The following TCF12 variants were observed in gnomAD, a reference collection of about 807,000 sequenced individuals.
TCF12 encodes transcription factor 12.
Under a neutral mutation model 86.0 loss-of-function variants are expected in TCF12, and 45 were observed. That is an observed-to-expected ratio of 0.52 (90% CI 0.41 to 0.67). The LOEUF is 0.67. TCF12 is among the 30% of genes least tolerant of loss of function. The pLI is 0.00. For missense variants in TCF12, 881 were observed against 859.9 expected, an observed-to-expected ratio of 1.02 and a Z score of -0.31; for synonymous variants, 330 against 299.6, an observed-to-expected ratio of 1.10 and a Z score of -1.05.
At chr15:57,081,177 A>G (rs1224003531) in intron 4 of TCF12, among the ~76,000 whole-genome samples, 5 of 152,156 alleles carry the variant, frequency 3.3e-5, no homozygotes, top group African/African-American at 1.2e-4. Flanking sequence ...TCCTACTTTC[A>G]TTCCTTTATT....
At chr15:56,981,658 A>G (rs1270730813) in intron 3 of TCF12, among the ~76,000 whole-genome samples, 1 of 152,190 alleles carries the variant, frequency 6.6e-6, no homozygotes, top group Non-Finnish European at 1.5e-5. Flanking sequence ...ATCTCTGTAT[A>G]TAACTTTTGA....
intron 8 of TCF12, among the ~76,000 whole-genome samples, chr15:57,201,583 T>C (rs1203960641): frequency 3.3e-5 from 5 of 152,004 alleles, no homozygotes; most frequent in Admixed American, 2.0e-4. Context: ...CAGAGGTAGA[T>C]TGAGTGGGGG....
intron 3 of TCF12, among the ~76,000 whole-genome samples, chr15:56,967,356 G>T (rs1292791541): frequency 1.3e-5 from 2 of 151,988 alleles, no homozygotes; most frequent in African/African-American, 4.8e-5. Context: ...ATAGAGACTG[G>T]ATTCGCCAAT....
chr15:56,963,298 A>G (rs533190326), intron 3 of TCF12, among the ~76,000 whole-genome samples: 31 of 152,290 alleles, frequency 2.0e-4, no homozygotes, highest in African/African-American at 7.0e-4. Flanking sequence ...AGTATTTTAC[A>G]TCTGGAAACA....
At chr15:57,188,807 G>T (rs1177311466) in intron 6 of TCF12, among the ~76,000 whole-genome samples, 1 of 152,146 alleles carries the variant, frequency 6.6e-6, no homozygotes, top group East Asian at 1.9e-4. Flanking sequence ...TCATTATTTT[G>T]AGACAGGGTC....
intron 4 of TCF12, among the ~76,000 whole-genome samples, chr15:57,075,804 T>TTCTTTCTTTC (rs1461514777): frequency 2.1e-4 from 6 of 28,588 alleles, no homozygotes; most frequent in South Asian, 2.0e-3. Flanking sequence ...CTTTCTTTCT[T>TTCTTTCTTTC]TCTCTCTCTC....
intron 5 of TCF12, among the ~76,000 whole-genome samples, chr15:57,142,796 T>C (rs2053074329): frequency 6.6e-6 from 1 of 152,012 alleles, no homozygotes; most frequent in Admixed American, 6.6e-5. Context: ...CCTAACAGAG[T>C]GCATTGAGAA....
intron 5 of TCF12, among the ~76,000 whole-genome samples, chr15:57,165,513 G>T (rs2151537170): frequency 6.6e-6 from 1 of 151,850 alleles, no homozygotes; most frequent in Non-Finnish European, 1.5e-5. Context: ...CAGAGGTGTG[G>T]TTTGAGCTAT....
upstream of TCF12, chr15:56,918,507 C>A (rs956051241): frequency 1.4e-4 from 44 of 316,242 alleles, no homozygotes; most frequent in Non-Finnish European, 2.2e-4. Context: ...TTTGTCCACC[C>A]GCCGCGGTGC....
chr15:57,247,660 A>G (rs1170606200), intron 13 of TCF12: 44 of 768,504 alleles, frequency 5.7e-5, no homozygotes, highest in Non-Finnish European at 8.9e-5. Flanking sequence ...TAATACCACC[A>G]ACAAAAATTT....
chr15:57,166,538 A>G, intron 6 of TCF12, 72 bp downstream of exon 6: 3 of 1,305,548 alleles, frequency 2.3e-6, no homozygotes, highest in South Asian at 2.8e-5. Flanking sequence ...TTAATAGATG[A>G]GATAGAAATT....
intron 5 of TCF12, among the ~76,000 whole-genome samples, chr15:57,106,665 G>A (rs1467365075): frequency 6.6e-6 from 1 of 152,154 alleles, no homozygotes; most frequent in Non-Finnish European, 1.5e-5. Flanking sequence ...ATTTGGAAAA[G>A]ACATGTCTCA....
At chr15:57,166,879 A>G (rs1189532220) in intron 6 of TCF12, among the ~76,000 whole-genome samples, 1 of 152,158 alleles carries the variant, frequency 6.6e-6, no homozygotes, top group African/African-American at 2.4e-5. Flanking sequence ...CATGTAACCA[A>G]TTTTTAGGCT....
At chr15:57,177,223 T>A (rs561914589) in intron 6 of TCF12, among the ~76,000 whole-genome samples, 1 of 152,182 alleles carries the variant, frequency 6.6e-6, no homozygotes, top group African/African-American at 2.4e-5. Flanking sequence ...TAAATTGTTT[T>A]GTGGAAAGAA....
At chr15:56,922,227 A>G (rs2059826333) in intron 3 of TCF12, among the ~76,000 whole-genome samples, 1 of 151,964 alleles carries the variant, frequency 6.6e-6, no homozygotes, top group African/African-American at 2.4e-5. Flanking sequence ...CTAATAATTC[A>G]TTCTCAGGAA....
intron 20 of TCF12, among the ~76,000 whole-genome samples, chr15:57,284,342 G>A (rs1276341552): frequency 6.6e-6 from 1 of 151,722 alleles, no homozygotes; most frequent in Non-Finnish European, 1.5e-5. Context: ...TGAGTAGCTG[G>A]GATTACAGAC....
intron 5 of TCF12, among the ~76,000 whole-genome samples, chr15:57,156,696 C>T (rs1355907345): frequency 6.6e-6 from 1 of 152,174 alleles, no homozygotes. Context: ...TCTGGAATTC[C>T]AGACCAGTGT....
intron 8 of TCF12, among the ~76,000 whole-genome samples, chr15:57,223,500 A>G (rs1478779710): frequency 1.3e-5 from 2 of 152,030 alleles, no homozygotes; most frequent in East Asian, 3.8e-4. Context: ...TGATGTGGTT[A>G]GTCAAGCAAA....
At chr15:57,087,012 C>G (rs78750670) in intron 4 of TCF12, among the ~76,000 whole-genome samples, 3 of 150,888 alleles carry the variant, frequency 2.0e-5, no homozygotes, top group African/African-American at 7.3e-5. Context: ...GTGTTCTCTC[C>G]CTCTGTCTCC....
Sources: gnomAD v4.1 joint callset for allele counts (sites outside exome capture counted in the v4.1 genomes callset) on GRCh38, gnomAD v4.1.1 for gene constraint, MANE v1.5 for transcripts, NCBI Gene and HGNC (gene_info 2026-07-23, HGNC 2026-07-21) for gene names.